Variants in ALDH1A1 observed in about 807,000 individuals in gnomAD.
ALDH1A1 encodes the protein aldehyde dehydrogenase 1 family member A1.
In ALDH1A1, 19 loss-of-function variants were observed where a neutral mutation model predicts 62.1. That is an observed-to-expected ratio of 0.31 (90% CI 0.21 to 0.45). ALDH1A1 has a LOEUF of 0.45. Among genes scored for constraint, ALDH1A1 ranks in the 20% least tolerant of loss-of-function variants. The probability of loss-of-function intolerance (pLI) is 1.00; values close to 1 mark genes in which losing one functional copy is unlikely to be tolerated. For synonymous variants in ALDH1A1, 231 were observed against 215.9 expected (o/e 1.07, Z -0.61); for missense variants, 521 against 607.1 (o/e 0.86, Z 1.49).
chr9:72,910,424 A>G (rs1829968105), intron 10 of ALDH1A1, among the ~76,000 whole-genome samples: 1 of 152,110 alleles, frequency 6.6e-6, no homozygotes, highest in African/African-American at 2.4e-5. Flanking sequence ...TACATTCTAA[A>G]CCATCCTATT....
intron 12 of ALDH1A1, among the ~76,000 whole-genome samples, chr9:72,905,618 CAT>C (rs1159397244): frequency 7.2e-5 from 11 of 152,094 alleles, no homozygotes; most frequent in Admixed American, 7.2e-4. Context: ...ATCACCAATG[CAT>C]AGTTTCCACC....
At chr9:72,945,954 G>A (rs576878758) in intron 1 of ALDH1A1, among the ~76,000 whole-genome samples, 13 of 152,012 alleles carry the variant, frequency 8.6e-5, no homozygotes, top group Admixed American at 8.5e-4. Flanking sequence ...TCTGACTTTA[G>A]TAACGTGAGT....
rs1424625223 is a variant in ALDH1A1 at position 72,928,889 on chromosome 9, T to C, written c.442+3A>G. ...CCATTAGTGGTTTCTCAAAGATACT[T>C]ACCAATTGGTATTGTACGGCCCTGG... On this transcript the variant is annotated splice_donor_region_variant and intron_variant, in intron 4 of 12. Coordinates refer to ENST00000297785, the MANE Select transcript of ALDH1A1 (RefSeq NM_000689.5). The C allele has an allele frequency of 6.2e-6, 10 of 1,613,160 alleles. No individual in the cohort carries two copies. In the East Asian group the frequency reaches 2.0e-4, roughly 32 times the overall value.
chr9:72,931,576 T>A (rs1286266431), intron 2 of ALDH1A1, among the ~76,000 whole-genome samples: 1 of 152,206 alleles, frequency 6.6e-6, no homozygotes, highest in Non-Finnish European at 1.5e-5. Flanking sequence ...ATAATGAATA[T>A]CTTCCTTGGT....
At chr9:72,950,280 G>A (rs995320752) in intron 1 of ALDH1A1, among the ~76,000 whole-genome samples, 3 of 151,746 alleles carry the variant, frequency 2.0e-5, no homozygotes, top group Non-Finnish European at 4.4e-5. Flanking sequence ...GCAGAGAGAA[G>A]TAATGTAGCT....
chr9:72,943,382 G>A (rs545199837), intron 1 of ALDH1A1, among the ~76,000 whole-genome samples: 26 of 152,130 alleles, frequency 1.7e-4, no homozygotes, highest in Non-Finnish European at 2.2e-4. Context: ...AATTATTACA[G>A]TATGTATGTA....
At chr9:72,926,039 A>T (rs984920383) in intron 5 of ALDH1A1, among the ~76,000 whole-genome samples, 1 of 152,226 alleles carries the variant, frequency 6.6e-6, no homozygotes, top group African/African-American at 2.4e-5. Flanking sequence ...ATACCTTGCT[A>T]AAGACAAAGA....
intron 3 of ALDH1A1, 101 bp downstream of exon 3, chr9:72,930,778 A>G (rs1830271008): frequency 2.9e-6 from 4 of 1,382,506 alleles, no homozygotes; most frequent in Middle Eastern, 2.2e-4. Flanking sequence ...TTTTGTTTGT[A>G]GAGAGCATAT....
At chr9:72,948,120 G>A (rs1830495763) in intron 1 of ALDH1A1, among the ~76,000 whole-genome samples, 1 of 151,880 alleles carries the variant, frequency 6.6e-6, no homozygotes, top group South Asian at 2.1e-4. Context: ...CAGGGGATGA[G>A]AAGCTTGGCC....
At chr9:72,933,063 C>A (rs996473659) in intron 2 of ALDH1A1, among the ~76,000 whole-genome samples, 1 of 152,178 alleles carries the variant, frequency 6.6e-6, no homozygotes, top group Non-Finnish European at 1.5e-5. Flanking sequence ...TTGGATCATG[C>A]GCCCCCTTTT....
chr9:72,946,747 C>G (rs1043875038), intron 1 of ALDH1A1, among the ~76,000 whole-genome samples: 2 of 151,840 alleles, frequency 1.3e-5, no homozygotes, highest in African/African-American at 4.8e-5. Context: ...AAAGTGCACC[C>G]CCCCACACCA....
At chr9:72,949,381 T>G (rs1830510862) in intron 1 of ALDH1A1, among the ~76,000 whole-genome samples, 1 of 151,856 alleles carries the variant, frequency 6.6e-6, no homozygotes, top group South Asian at 2.1e-4. Context: ...GGCAAGTCAG[T>G]GTCCCAGAGT....
chr9:72,906,294 T>C (rs1049057265), intron 11 of ALDH1A1, among the ~76,000 whole-genome samples: 6 of 152,152 alleles, frequency 3.9e-5, no homozygotes, highest in African/African-American at 1.2e-4. Context: ...GAAGTGGTAG[T>C]CTGAATTTAT....
At chr9:72,935,112 T>A (rs1229459129) in intron 2 of ALDH1A1, among the ~76,000 whole-genome samples, 2 of 152,160 alleles carry the variant, frequency 1.3e-5, no homozygotes, top group Non-Finnish European at 2.9e-5. Context: ...ATTTACATAA[T>A]AAATCATATT....
intron 11 of ALDH1A1, among the ~76,000 whole-genome samples, chr9:72,908,265 GA>G (rs952622618): frequency 4.0e-5 from 6 of 150,640 alleles, no homozygotes; most frequent in Middle Eastern, 3.4e-3. Flanking sequence ...ACTAAAAAAA[GA>G]AAAAAACAAA....
At chr9:72,902,442 C>T (rs2118468911) in intron 12 of ALDH1A1, among the ~76,000 whole-genome samples, 1 of 152,008 alleles carries the variant, frequency 6.6e-6, no homozygotes, top group South Asian at 2.1e-4. Context: ...AATACTCTTA[C>T]ACTGATTATT....
At chr9:72,940,056 G>T in intron 2 of ALDH1A1, 92 bp downstream of exon 2, 11 of 854,098 alleles carry the variant, frequency 1.3e-5, no homozygotes, top group African/African-American at 8.6e-5. Flanking sequence ...TTCATGGCAT[G>T]TCTTTTGGAG....
intron 1 of ALDH1A1, among the ~76,000 whole-genome samples, chr9:72,947,519 A>C (rs1224413721): frequency 6.6e-6 from 1 of 151,982 alleles, no homozygotes; most frequent in African/African-American, 2.4e-5. Flanking sequence ...GAATGATAAA[A>C]ATGCAGTAAT....
intron 5 of ALDH1A1, among the ~76,000 whole-genome samples, chr9:72,926,092 C>T (rs188433468): frequency 3.0e-4 from 45 of 152,294 alleles, no homozygotes; most frequent in African/African-American, 1.1e-3. Flanking sequence ...CAAATCTCAG[C>T]TCAATCACTG....
Sources: gnomAD v4.1 joint callset for allele counts (sites outside exome capture counted in the v4.1 genomes callset) on GRCh38, gnomAD v4.1.1 for gene constraint, MANE v1.5 for transcripts, NCBI Gene and HGNC (gene_info 2026-07-23, HGNC 2026-07-21) for gene names.